Variants in PAIP1 observed in about 807,000 individuals in gnomAD.
PAIP1 encodes the protein polyadenylate-binding protein-interacting protein 1.
PAIP1 carries 16 observed loss-of-function variants against 61.3 expected under a neutral mutation model. That is an observed-to-expected ratio of 0.26 (90% CI 0.18 to 0.40). The LOEUF (loss-of-function observed/expected upper bound fraction) is 0.40, where lower values mean the gene tolerates loss of function less well. Ranked by LOEUF, PAIP1 falls within the 10% of genes least tolerant of loss-of-function variation. The pLI is 1.00. For synonymous variants in PAIP1, 187 were observed against 226.2 expected (o/e 0.83, Z 1.56); for missense variants, 416 against 600.9 (o/e 0.69, Z 3.22).
chr5:43,550,696 C>T (rs530150663), intron 2 of PAIP1, among the ~76,000 whole-genome samples: 1 of 150,914 alleles, frequency 6.6e-6, no homozygotes, highest in East Asian at 1.9e-4. Context: ...TGCTGAGTAC[C>T]TACTAAGTGC....
chr5:43,531,814 A>C (rs1746953041), intron 9 of PAIP1, among the ~76,000 whole-genome samples: 1 of 152,138 alleles, frequency 6.6e-6, no homozygotes, highest in Non-Finnish European at 1.5e-5. Flanking sequence ...AATCATTTCC[A>C]AATAAAAGTT....
At chr5:43,534,200 A>AT (rs34732006) in intron 8 of PAIP1, among the ~76,000 whole-genome samples, 6,396 of 145,120 alleles carry the variant, frequency 0.044, 219 homozygotes, top group African/African-American at 0.096. Context: ...CCTAGTAGCC[A>AT]TTTTTTTTTT....
intron 2 of PAIP1, among the ~76,000 whole-genome samples, chr5:43,553,382 T>A (rs1041181737): frequency 6.6e-6 from 1 of 152,160 alleles, no homozygotes; most frequent in African/African-American, 2.4e-5. Flanking sequence ...TAGATTTTCA[T>A]GTGTAGAACA....
chr5:43,547,042 C>CAAAAAAAAAAAAAAAAAAAAAAAAAAA (rs766493987), intron 3 of PAIP1, among the ~76,000 whole-genome samples: 1 of 35,664 alleles, frequency 2.8e-5, no homozygotes, highest in African/African-American at 1.4e-4. Flanking sequence ...GACTCCATAT[C>CAAAAAAAAAAAAAAAAAAAAAAAAAAA]AAAAAAAAAA....
intron 2 of PAIP1, among the ~76,000 whole-genome samples, chr5:43,553,763 G>A (rs1340437593): frequency 6.6e-6 from 1 of 152,070 alleles, no homozygotes; most frequent in African/African-American, 2.4e-5. Context: ...GTAGAATTCA[G>A]GTAGATTACA....
At position 43,556,915 on chromosome 5, in the gene PAIP1, G is replaced by A; in HGVS notation, c.-69C>T. The A allele has an allele frequency of 7.6e-7, 1 of 1,318,272 alleles. No individual in the cohort carries two copies. Among genetic ancestry groups the A allele is most frequent in the Non-Finnish European group, 9.7e-7 (1 of 1,036,220 alleles). 81.7% of individuals were successfully genotyped at this position (1,318,272 alleles called of 1,614,324 possible). A position where few individuals can be genotyped will look rare whatever the true frequency, so the allele number is the denominator to read the frequency against. On this transcript the variant is annotated 5_prime_UTR_variant, in exon 1 of 11. Coordinates refer to ENST00000306846, the MANE Select transcript of PAIP1 (RefSeq NM_006451.5). ...CGCTCGCGATAGGACGCGGGGGGAA[G>A]GCGCCGCGGGTCGGCTATAGCCGCC...
At chr5:43,549,720 TTTTTTA>T (rs1747789972) in intron 2 of PAIP1, among the ~76,000 whole-genome samples, 1 of 151,934 alleles carries the variant, frequency 6.6e-6, no homozygotes, top group Admixed American at 6.6e-5. Flanking sequence ...TTTATCTTTA[TTTTTTA>T]TTTTTATTTT....
At chr5:43,549,769 G>T (rs1747791783) in intron 2 of PAIP1, among the ~76,000 whole-genome samples, 1 of 151,838 alleles carries the variant, frequency 6.6e-6, no homozygotes, top group Non-Finnish European at 1.5e-5. Context: ...ACCCAGGCTG[G>T]AGTACAGTGG....
chr5:43,556,810 G>T lies in PAIP1; in HGVS notation c.37C>A (p.Arg13=), dbSNP rs1241817342. 18 of 1,452,692 alleles carry T rather than the reference G, an allele frequency of 1.2e-5. No individual in the cohort carries two copies. The highest frequency in any genetic ancestry group is 1.5e-5 in the Non-Finnish European group (17 of 1,105,182). The allele number at this position is 1,452,692 out of a possible 1,614,324, so 90.0% of individuals were successfully genotyped here. ...CGGCCCAGGCCCCGGCTCCGGCCCCGACCAGCACCTGGGGCCCGATCGAAA... is the reference window on the plus strand; with the variant it reads ...CGGCCCAGGCCCCGGCTCCGGCCCCTACCAGCACCTGGGGCCCGATCGAAA... The part of the protein sequence containing the change: ...DGFDRAPGAG[R]GRSRGLGRGG... The change falls in exon 1 of 11, where the codon CGG becomes AGG. Residue 13 remains arginine (R), a synonymous_variant. Transcript: ENST00000306846.
At chr5:43,541,462 C>T (rs1667760345) in intron 4 of PAIP1, among the ~76,000 whole-genome samples, 3 of 149,682 alleles carry the variant, frequency 2.0e-5, no homozygotes, top group Admixed American at 2.0e-4. Flanking sequence ...TATCATTTCA[C>T]TTTTAATAAG....
intron 10 of PAIP1, among the ~76,000 whole-genome samples, chr5:43,528,895 G>A (rs2112371617): frequency 6.6e-6 from 1 of 152,222 alleles, no homozygotes; most frequent in South Asian, 2.1e-4. Context: ...AAAATGTAGT[G>A]CACTCTGATG....
chr5:43,543,210 C>T lies in PAIP1; in HGVS notation c.622-94G>A, dbSNP rs1296808000. The T allele has an allele frequency of 8.5e-6, 5 of 588,216 alleles. No individual in the cohort carries two copies. In the East Asian group the frequency reaches 1.2e-4, roughly 14 times the overall value. 36.4% of individuals were successfully genotyped at this position (588,216 alleles called of 1,614,324 possible). On this transcript the variant is annotated intron_variant, in intron 3 of 10. Coordinates refer to ENST00000306846, the MANE Select transcript of PAIP1 (RefSeq NM_006451.5). ...CATTCTAAAGAAGAAAAAATTGACT[C>T]CCCAAACTGACCATATATACAAGTC...
At chr5:43,550,837 CAAAAA>C (rs373730839) in intron 2 of PAIP1, among the ~76,000 whole-genome samples, 43 of 49,568 alleles carry the variant, frequency 8.7e-4, no homozygotes, top group Admixed American at 2.4e-3. Context: ...AAATATACTA[CAAAAA>C]AAAAAAAAAA....
In PAIP1 at chr5:43,556,880, G is replaced by C; in HGVS notation, c.-34C>G. On this transcript the variant is annotated 5_prime_UTR_variant, in exon 1 of 11. Coordinates refer to ENST00000306846, the MANE Select transcript of PAIP1 (RefSeq NM_006451.5). ...TCCTCCGCCTCCTCCTCCAGGGGCCGCTGCCGCTGCGCTCGCGATAGGACG... is the reference window on the plus strand; with the variant it reads ...TCCTCCGCCTCCTCCTCCAGGGGCCCCTGCCGCTGCGCTCGCGATAGGACG... The C allele has an allele frequency of 1.5e-6, 2 of 1,365,926 alleles. No individual in the cohort carries two copies. Among genetic ancestry groups the C allele is most frequent in the Non-Finnish European group, 1.9e-6 (2 of 1,063,188 alleles). 84.6% of individuals were successfully genotyped at this position (1,365,926 alleles called of 1,614,324 possible).
At chr5:43,543,388 T>C (rs1269169529) in intron 3 of PAIP1, among the ~76,000 whole-genome samples, 1 of 151,296 alleles carries the variant, frequency 6.6e-6, no homozygotes, top group Admixed American at 6.6e-5. Flanking sequence ...CTCCTGATGC[T>C]AACCCATTTT....
intron 6 of PAIP1, among the ~76,000 whole-genome samples, chr5:43,535,883 G>A (rs1255900209): frequency 1.3e-5 from 2 of 151,466 alleles, no homozygotes; most frequent in African/African-American, 4.9e-5. Flanking sequence ...TTATGTCAAC[G>A]ACTGTTATAT....
intron 2 of PAIP1, among the ~76,000 whole-genome samples, chr5:43,548,430 T>G (rs1364274044): frequency 6.6e-6 from 1 of 152,198 alleles, no homozygotes; most frequent in African/African-American, 2.4e-5. Context: ...TAATAAGGTT[T>G]ATCATCTGTT....
Position 43,543,243 on chromosome 5 carries a change from ATT to A in PAIP1, c.622-129_622-128del, listed in dbSNP as rs1747486595. On this transcript the variant is annotated intron_variant, in intron 3 of 10. Coordinates refer to ENST00000306846, the MANE Select transcript of PAIP1 (RefSeq NM_006451.5). The stretch of plus-strand genomic sequence containing the variant: ...TGACCATATATACAAGTCTTTTGTC[ATT>A]GTTAGGCTTAAGGAAATTAAATTCA... 5 of 369,988 alleles carry A rather than the reference ATT, an allele frequency of 1.4e-5. No individual in the cohort carries two copies. In the South Asian group the frequency reaches 3.5e-4, roughly 26 times the overall value. 22.9% of individuals were successfully genotyped at this position (369,988 alleles called of 1,614,324 possible). A position where few individuals can be genotyped will look rare whatever the true frequency, so the allele number is the denominator to read the frequency against.
At position 43,526,508 on chromosome 5, in the gene PAIP1, G is replaced by C. The variant is rs1244016985; in HGVS notation, c.*868C>G. ...TAAAAATATTATTTATTAGGGCTGA[G>C]GTGGTACCACATTATAGTAAAAGTA... On this transcript the variant is annotated 3_prime_UTR_variant, in exon 11 of 11. Coordinates refer to ENST00000306846, the MANE Select transcript of PAIP1 (RefSeq NM_006451.5). 4 of 151,366 alleles carry C rather than the reference G, an allele frequency of 2.6e-5. No individual in the cohort carries two copies. The East Asian group carries it at 7.7e-4, about 29-fold the overall frequency. 9.4% of individuals were successfully genotyped at this position (151,366 alleles called of 1,614,324 possible).
Sources: gnomAD v4.1 joint callset for allele counts (sites outside exome capture counted in the v4.1 genomes callset) on GRCh38, gnomAD v4.1.1 for gene constraint, MANE v1.5 for transcripts, NCBI Gene and HGNC (gene_info 2026-07-23, HGNC 2026-07-21) for gene names.